The following ANKFY1 variants were observed in gnomAD, a reference collection of about 807,000 sequenced individuals.
The protein encoded by ANKFY1 is ankyrin repeat and FYVE domain-containing protein 1.
ANKFY1 carries 47 observed loss-of-function variants against 128.3 expected under a neutral mutation model. The ratio of observed to expected loss-of-function variants is 0.37; its 90% CI spans 0.29 to 0.47. ANKFY1 has a LOEUF of 0.47. ANKFY1 is among the 20% of genes least tolerant of loss of function. ANKFY1 has a pLI of 1.00. For synonymous variants in ANKFY1, 553 were observed against 601.6 expected (o/e 0.92, Z 1.18); for missense variants, 1,222 against 1,510.6 (o/e 0.81, Z 3.17).
At chr17:4,231,217 C>G (rs1052035683) in intron 3 of ANKFY1, among the ~76,000 whole-genome samples, 2 of 152,176 alleles carry the variant, frequency 1.3e-5, no homozygotes, top group African/African-American at 4.8e-5. Context: ...ATACAAGAGC[C>G]AGGCAGAGTG....
chr17:4,208,025 T>G lies in ANKFY1; in HGVS notation c.640A>C (p.Ile214Leu). ...SMSAQLLYKMIKSKTEYPLHK... is the reference protein window; with the variant it reads ...SMSAQLLYKMLKSKTEYPLHK... ...AGCGGGTACTCTGTCTTGGATTTGATCATTTTGTATAACAACTGAGCGCTC... is the reference window on the plus strand; with the variant it reads ...AGCGGGTACTCTGTCTTGGATTTGAGCATTTTGTATAACAACTGAGCGCTC... Residue 214 changes from isoleucine to leucine, a missense_variant, in exon 6 of 25, where the codon ATC (isoleucine) becomes CTC (leucine). Ile to Leu is a conservative substitution (Grantham distance 5). Coordinates refer to ENST00000341657, the MANE Select transcript of ANKFY1 (RefSeq NM_001330063.2). The G allele has an allele frequency of 6.2e-7, 1 of 1,611,752 alleles. No individual in the cohort carries two copies. The highest frequency in any genetic ancestry group is 8.5e-7 in the Non-Finnish European group (1 of 1,179,066).
In ANKFY1 at chr17:4,217,484, T is replaced by C. The variant is rs150239555; in HGVS notation, c.323-366A>G. 8.7e-4 allele frequency among the ~76,000 whole-genome samples: 132 copies of C among 151,972 alleles called. 1 individual carries two copies. The highest frequency in any genetic ancestry group is 3.0e-3 in the African/African-American group (124 of 41,444). On this transcript the variant is annotated intron_variant, in intron 3 of 24. Transcript: ENST00000341657. ...ATCGCTTGAACCCGGGAGACGGAGG[T>C]TGCAGTGAGCAGAGATTGAGCCACT...
rs548468036 is a variant in ANKFY1, at chr17:4,261,739, C to A, written c.10+2193G>T. Among the ~76,000 whole-genome samples the A allele has an allele frequency of 2.0e-5, 3 of 152,332 alleles. No homozygotes were observed. In the South Asian group the frequency reaches 6.2e-4, roughly 32 times the overall value. ...GTAAAGCTGCTGAATGAAAAACCAG[C>A]AGCCCTCCACAATCTCAACCTTGCT... is the stretch of plus-strand genomic sequence containing the variant. On this transcript the variant is annotated intron_variant, in intron 1 of 24. Transcript: ENST00000341657.
At position 4,242,339 on chromosome 17, in the gene ANKFY1, C is replaced by A; in HGVS notation, c.120G>T (p.Gln40His). Reference protein sequence around the residue: ...TEKRCALLAAQANKESSSESF... With the variant: ...TEKRCALLAAHANKESSSESF... Reference sequence around the variant, plus strand: ...ACTCGCTGCTGCTCTCCTTGTTTGCCTGCGCAGCCAAGAGAGCGCAGCGCT... The same window carrying A: ...ACTCGCTGCTGCTCTCCTTGTTTGCATGCGCAGCCAAGAGAGCGCAGCGCT... The change falls in exon 2 of 25, where the codon CAG becomes CAT. Residue 40 changes from glutamine (Q) to histidine (H), a missense_variant. By Grantham distance (24) the Gln-to-His change is conservative. Coordinates refer to ENST00000341657, the MANE Select transcript of ANKFY1 (RefSeq NM_001330063.2). 6.2e-7 allele frequency: 1 copy of A among 1,602,666 alleles called. No individual in the cohort carries two copies. Among genetic ancestry groups the A allele is most frequent in the South Asian group, 1.1e-5 (1 of 89,204 alleles).
rs1374018359 is a variant in ANKFY1 at position 4,164,320 on chromosome 17, A to G, written c.*3459T>C. 1.3e-5 allele frequency: 2 copies of G among 152,692 alleles called. No individual in the cohort carries two copies. Among genetic ancestry groups the G allele is most frequent in the Non-Finnish European group, 2.9e-5 (2 of 68,048 alleles). 9.5% of individuals were successfully genotyped at this position (152,692 alleles called of 1,614,324 possible). A position where few individuals can be genotyped will look rare whatever the true frequency, so the allele number is the denominator to read the frequency against. ...TAGTACAGGCAATGATCTTCCAAAG[A>G]AAGTCTTTAAGGCATCTGTAACTTC... is the stretch of plus-strand genomic sequence containing the variant. On this transcript the variant is annotated 3_prime_UTR_variant, in exon 25 of 25. Coordinates refer to ENST00000341657, the MANE Select transcript of ANKFY1 (RefSeq NM_001330063.2).
intron 3 of ANKFY1, among the ~76,000 whole-genome samples, chr17:4,229,904 G>C (rs1481904503): frequency 6.6e-6 from 1 of 152,226 alleles, no homozygotes; most frequent in Non-Finnish European, 1.5e-5. Context: ...CATTAGAGGT[G>C]AATCAGCCTA....
At chr17:4,242,856 T>A (rs1567973352) in intron 1 of ANKFY1, among the ~76,000 whole-genome samples, 1 of 152,138 alleles carries the variant, frequency 6.6e-6, no homozygotes, top group Non-Finnish European at 1.5e-5. Context: ...TATATGACAA[T>A]GAAGAGATGT....
At chr17:4,240,223 C>T (rs1967134512) in intron 2 of ANKFY1, among the ~76,000 whole-genome samples, 1 of 151,672 alleles carries the variant, frequency 6.6e-6, no homozygotes, top group Non-Finnish European at 1.5e-5. Flanking sequence ...CGCCACCACA[C>T]CTAGCTAATT....
intron 3 of ANKFY1, among the ~76,000 whole-genome samples, chr17:4,220,302 A>G (rs924433307): frequency 6.6e-6 from 1 of 152,218 alleles, no homozygotes; most frequent in Non-Finnish European, 1.5e-5. Flanking sequence ...TCAATACCTC[A>G]GTAGTCATCG....
At chr17:4,203,205 G>T (rs2059964456) in intron 7 of ANKFY1, among the ~76,000 whole-genome samples, 1 of 152,210 alleles carries the variant, frequency 6.6e-6, no homozygotes, top group East Asian at 1.9e-4. Context: ...ATTTTAGAAA[G>T]ATTTCAAATC....
intron 1 of ANKFY1, among the ~76,000 whole-genome samples, chr17:4,258,454 G>A (rs1458909115): frequency 6.6e-6 from 1 of 151,754 alleles, no homozygotes; most frequent in African/African-American, 2.4e-5. Flanking sequence ...GAACCTGGGA[G>A]GGGAGCTTGC....
intron 12 of ANKFY1, among the ~76,000 whole-genome samples, chr17:4,184,253 A>C (rs1015910938): frequency 1.3e-5 from 2 of 152,202 alleles, no homozygotes; most frequent in African/African-American, 4.8e-5. Flanking sequence ...TACAGTCTTA[A>C]AACTTCTGTG....
At chr17:4,194,083 G>A (rs1337521751) in intron 10 of ANKFY1, among the ~76,000 whole-genome samples, 2 of 99,654 alleles carry the variant, frequency 2.0e-5, no homozygotes, top group Admixed American at 1.3e-4. Flanking sequence ...TACCACGCCC[G>A]GCCATATATA....
intron 3 of ANKFY1, chr17:4,222,248 C>T (rs567028111): frequency 1.9e-4 from 84 of 448,500 alleles, no homozygotes; most frequent in Admixed American, 4.5e-4. Context: ...GAGCTGCAGT[C>T]GGCGGCCGCG....
chr17:4,233,563 A>G (rs1323427463), intron 3 of ANKFY1, among the ~76,000 whole-genome samples: 1 of 152,198 alleles, frequency 6.6e-6, no homozygotes, highest in East Asian at 1.9e-4. Context: ...TCATAAAGAG[A>G]CAGAGTTCGC....
chr17:4,223,835 C>A, intron 3 of ANKFY1: 1 of 1,225,784 alleles, frequency 8.2e-7, no homozygotes, highest in Non-Finnish European at 1.2e-6. Context: ...TCTGACTCTT[C>A]TCTCGCAATC....
chr17:4,210,664 T>TAC (rs1334131381), intron 4 of ANKFY1, among the ~76,000 whole-genome samples: 34 of 102,794 alleles, frequency 3.3e-4, no homozygotes, highest in East Asian at 2.1e-3. Context: ...GCTGAGATCG[T>TAC]GCCATTGCAC....
intron 24 of ANKFY1, chr17:4,168,860 C>T (rs912006005): frequency 7.8e-6 from 2 of 257,298 alleles, no homozygotes; most frequent in East Asian, 7.1e-5. Flanking sequence ...CTCGGCAAAG[C>T]GGCCCATACT....
chr17:4,187,257 T>A, intron 11 of ANKFY1: 1 of 398,918 alleles, frequency 2.5e-6, no homozygotes, highest in Non-Finnish European at 4.4e-6. Context: ...AGCATGCGTG[T>A]CACAGACTGA....
Sources: allele counts gnomAD v4.1 joint callset (sites outside exome capture counted in the v4.1 genomes callset), GRCh38; gene constraint gnomAD v4.1.1; transcripts MANE v1.5; gene names NCBI Gene and HGNC (gene_info 2026-07-23, HGNC 2026-07-21).